The following PEMT variants were observed in gnomAD, a reference collection of about 807,000 sequenced individuals.
PEMT encodes the protein phosphatidylethanolamine N-methyltransferase.
In PEMT, 23 loss-of-function variants were observed where a neutral mutation model predicts 27.4. That is an observed-to-expected ratio of 0.84 (90% confidence interval 0.60 to 1.19). The LOEUF (loss-of-function observed/expected upper bound fraction) is 1.19. Among genes scored for constraint, PEMT ranks in the 50% most tolerant of loss-of-function variants. PEMT has a pLI of 0.00. For synonymous variants in PEMT, 137 were observed against 139.1 expected (o/e 0.98, Z 0.11); for missense variants, 307 against 310.1 (o/e 0.99, Z 0.07).
intron 2 of PEMT, among the ~76,000 whole-genome samples, chr17:17,542,615 CAG>C (rs1251171765): frequency 1.3e-5 from 2 of 152,178 alleles, no homozygotes; most frequent in Non-Finnish European, 2.9e-5. Context: ...GGAGGAAAAA[CAG>C]GGGAATGGGT....
At chr17:17,515,463 T>G (rs1906757913) in intron 3 of PEMT, among the ~76,000 whole-genome samples, 1 of 151,048 alleles carries the variant, frequency 6.6e-6, no homozygotes, top group Non-Finnish European at 1.5e-5. Flanking sequence ...CCTGGGGCCT[T>G]TCCTTTCCTT....
chr17:17,586,260 GAA>G (rs1461489024), intron 1 of PEMT, among the ~76,000 whole-genome samples: 2 of 107,366 alleles, frequency 1.9e-5, no homozygotes, highest in African/African-American at 8.0e-5. Flanking sequence ...AAGAAAGAAA[GAA>G]AGAAAGAAAG....
intron 2 of PEMT, among the ~76,000 whole-genome samples, chr17:17,548,673 T>A (rs1909428256): frequency 6.6e-6 from 1 of 152,116 alleles, no homozygotes; most frequent in Non-Finnish European, 1.5e-5. Context: ...CTCAGCCTCC[T>A]GAGTAGCTGG....
chr17:17,549,151 G>T (rs749901488), intron 2 of PEMT, among the ~76,000 whole-genome samples: 14 of 152,190 alleles, frequency 9.2e-5, no homozygotes, highest in African/African-American at 2.9e-4. Context: ...GGGACTACAG[G>T]CATGTGCCAC....
Position 17,512,762 on chromosome 17 carries a change from G to A in PEMT, c.321-108C>T. 1 of 1,137,088 alleles carries A rather than the reference G, an allele frequency of 8.8e-7. No homozygotes were observed. Among genetic ancestry groups the A allele is most frequent in the Non-Finnish European group, 1.2e-6 (1 of 868,760 alleles). 70.4% of individuals were successfully genotyped at this position (1,137,088 alleles called of 1,614,324 possible). ...CCCTCTCCCCAGGGACCCTTAGAGA[G>A]TAGCCAGCCCAGGGCTGCCAGGCCA... On this transcript the variant is annotated intron_variant, in intron 3 of 6. Transcript: ENST00000255389. This position sits in a 1 kb window ranked among gnomAD's most constrained non-coding sequence, Gnocchi z 6.3.
chr17:17,582,651 C>T lies in PEMT; in HGVS notation c.97-5624G>A, dbSNP rs988800781. On this transcript the variant is annotated intron_variant, in intron 1 of 6. Coordinates refer to ENST00000255389, the MANE Select transcript of PEMT (RefSeq NM_148172.3). This position sits in a 1 kb window ranked among gnomAD's most constrained non-coding sequence, Gnocchi z 4.9. ...AGCCCCCACTGCCCCCAGAGCTGCC[C>T]TCATGCCCTGGCACCATAAGCTGAC... Among the ~76,000 whole-genome samples, 2 of 152,242 alleles carry T rather than the reference C, an allele frequency of 1.3e-5. No homozygotes were observed. The highest frequency in any genetic ancestry group is 2.9e-5 in the Non-Finnish European group (2 of 68,048).
At chr17:17,569,357 G>A (rs1017927526) in intron 2 of PEMT, among the ~76,000 whole-genome samples, 5 of 152,124 alleles carry the variant, frequency 3.3e-5, no homozygotes, top group African/African-American at 1.2e-4. Context: ...TCTTGGGCAG[G>A]GTGCACTGTG....
intron 1 of PEMT, among the ~76,000 whole-genome samples, chr17:17,589,277 T>A (rs1044249156): frequency 6.6e-6 from 1 of 151,106 alleles, no homozygotes; most frequent in Admixed American, 6.6e-5. Flanking sequence ...AGCTGATTTT[T>A]TTTTTTTTTT....
intron 2 of PEMT, among the ~76,000 whole-genome samples, chr17:17,545,587 G>A (rs1229199662): frequency 6.6e-6 from 1 of 152,220 alleles, no homozygotes; most frequent in Non-Finnish European, 1.5e-5. Flanking sequence ...CTACACCAGA[G>A]ACGGCCTCCT....
chr17:17,553,907 C>T (rs4646378), intron 2 of PEMT, among the ~76,000 whole-genome samples: 3,534 of 152,346 alleles, frequency 0.023, 123 homozygotes, highest in East Asian at 0.1. Context: ...ACCACTCGCC[C>T]TCCCTCCCCG....
chr17:17,538,471 C>G (rs1908647491), intron 2 of PEMT, among the ~76,000 whole-genome samples: 1 of 152,168 alleles, frequency 6.6e-6, no homozygotes. Flanking sequence ...AGGAGGATCA[C>G]TTGAGCCCAG....
chr17:17,505,920 C>T (rs531940974), intron 6 of PEMT, 72 bp from the exon 7 acceptor site: 27 of 1,514,990 alleles, frequency 1.8e-5, no homozygotes, highest in East Asian at 1.4e-4. Context: ...CAGAGCTCTG[C>T]GTCCATCAGC....
chr17:17,568,693 C>A (rs994185480), intron 2 of PEMT, among the ~76,000 whole-genome samples: 1 of 152,232 alleles, frequency 6.6e-6, no homozygotes, highest in African/African-American at 2.4e-5. Flanking sequence ...GAGCCATAGA[C>A]CGCTGGCTGG....
chr17:17,517,060 C>A (rs193073688), intron 3 of PEMT, among the ~76,000 whole-genome samples: 6 of 152,352 alleles, frequency 3.9e-5, no homozygotes, highest in Non-Finnish European at 7.3e-5. Context: ...GAGCTGCCTG[C>A]TGTGCTGCGG....
At chr17:17,542,838 G>A (rs2142607693) in intron 2 of PEMT, among the ~76,000 whole-genome samples, 1 of 152,346 alleles carries the variant, frequency 6.6e-6, no homozygotes, top group African/African-American at 2.4e-5. Flanking sequence ...GCACCGTTCG[G>A]CCACCGTTGC....
At chr17:17,506,450 C>A in intron 5 of PEMT, 149 bp from the exon 6 acceptor site, 1 of 581,558 alleles carries the variant, frequency 1.7e-6, no homozygotes, top group South Asian at 2.1e-5. Flanking sequence ...GCAGCACTGC[C>A]CCTTCCTGAG....
intron 1 of PEMT, among the ~76,000 whole-genome samples, chr17:17,589,029 C>T (rs1912466267): frequency 6.6e-6 from 1 of 152,282 alleles, no homozygotes; most frequent in Admixed American, 6.5e-5. Flanking sequence ...GGCGTGATAT[C>T]AGCTCACTGC....
chr17:17,521,203 G>C, intron 3 of PEMT, among the ~76,000 whole-genome samples: 1 of 152,206 alleles, frequency 6.6e-6, no homozygotes, highest in Non-Finnish European at 1.5e-5. Context: ...GGTCTGTCTC[G>C]ACAAGTCAAA....
At chr17:17,534,020 C>T (rs1019076545) in intron 2 of PEMT, among the ~76,000 whole-genome samples, 1 of 152,186 alleles carries the variant, frequency 6.6e-6, no homozygotes, top group Non-Finnish European at 1.5e-5. Flanking sequence ...GCCACTGCAT[C>T]CAGCCCAGTT....
Sources: allele counts gnomAD v4.1 joint callset (sites outside exome capture counted in the v4.1 genomes callset), GRCh38; gene constraint gnomAD v4.1.1; non-coding constraint Gnocchi (gnomAD v3.1); transcripts MANE v1.5; gene names NCBI Gene and HGNC (gene_info 2026-07-23, HGNC 2026-07-21).